LRRC7: variants seen among roughly 807,000 people sequenced by gnomAD.
LRRC7 encodes leucine rich repeat containing 7, also known as leucine-rich repeat-containing protein 7.
Under a neutral mutation model 175.7 loss-of-function variants are expected in LRRC7, and 23 were observed. The ratio of observed to expected loss-of-function variants is 0.13; its 90% confidence interval spans 0.09 to 0.19. LRRC7 has a LOEUF of 0.19. LRRC7 is among the 10% of genes least tolerant of loss of function. LRRC7 has a pLI of 1.00. For synonymous variants in LRRC7, 685 were observed against 680.9 expected (o/e 1.01, Z -0.09); for missense variants, 1,354 against 1,904.7 (o/e 0.71, Z 5.38).
intron 22 of LRRC7, 100 bp downstream of exon 22, chr1:70,044,194 T>C: frequency 1.6e-6 from 2 of 1,276,808 alleles, no homozygotes; most frequent in Non-Finnish European, 2.2e-6. Context: ...CTGCTTACTA[T>C]AGGCTCCTAT....
chr1:69,717,845 GAAAGAAAGGAAAGAAA>G lies in LRRC7; in HGVS notation c.100+39368_100+39383del, dbSNP rs1557641470. ...AAGAAAGAAAGAAAGAAAGAAAAAAGAAAGAAAGGAAAGAAAGAAAGAAAGAAAGAAAGAGAGAAAA... is the reference window on the plus strand; with the variant it reads ...AAGAAAGAAAGAAAGAAAGAAAAAAGGAAAGAAAGAAAGAAAGAGAGAAAA... On this transcript the variant is annotated intron_variant, in intron 2 of 26. Transcript: ENST00000651989. 1.6e-4 allele frequency among the ~76,000 whole-genome samples: 4 copies of G among 24,992 alleles called. 1 individual carries two copies. The highest frequency in any genetic ancestry group is 9.6e-4 in the African/African-American group (4 of 4,186). The allele number at this position is 24,992 out of a possible 152,430, so 16.4% of individuals were successfully genotyped here. A position where few individuals can be genotyped will look rare whatever the true frequency, so the allele number is the denominator to read the frequency against.
chr1:69,683,352 G>T (rs1660734666), intron 2 of LRRC7, among the ~76,000 whole-genome samples: 1 of 152,064 alleles, frequency 6.6e-6, no homozygotes, highest in Non-Finnish European at 1.5e-5. Context: ...TGGCTTTCCT[G>T]CATACTGTTA....
At chr1:69,637,306 T>C (rs1653543665) in intron 1 of LRRC7, among the ~76,000 whole-genome samples, 1 of 151,984 alleles carries the variant, frequency 6.6e-6, no homozygotes, top group Admixed American at 6.6e-5. Context: ...TCTCACACTG[T>C]TTTTATATTT....
At chr1:69,620,291 C>G (rs748822153) in intron 1 of LRRC7, among the ~76,000 whole-genome samples, 3 of 151,710 alleles carry the variant, frequency 2.0e-5, no homozygotes, top group Non-Finnish European at 2.9e-5. Flanking sequence ...CTTTTACACT[C>G]TAATACAGTA....
chr1:69,760,131 A>C, intron 2 of LRRC7, 60 bp from the exon 3 acceptor site: 1 of 1,546,240 alleles, frequency 6.5e-7, no homozygotes, highest in Non-Finnish European at 8.8e-7. Context: ...TATTACAAGA[A>C]TGCCTTCCAA....
At chr1:69,569,675 C>G (rs1255397245) in intron 1 of LRRC7, among the ~76,000 whole-genome samples, 1 of 152,012 alleles carries the variant, frequency 6.6e-6, no homozygotes, top group African/African-American at 2.4e-5. Flanking sequence ...CTTCCTTACA[C>G]TACTTCTCGG....
Position 69,678,378 on chromosome 1 carries a change from T to C in LRRC7, c.3-3T>C. 6.4e-7 allele frequency: 1 copy of C among 1,574,690 alleles called. No homozygotes were observed. Among genetic ancestry groups the C allele is most frequent in the Non-Finnish European group, 8.7e-7 (1 of 1,154,802 alleles). On this transcript the variant is annotated splice_polypyrimidine_tract_variant and splice_region_variant and intron_variant, in intron 1 of 26. Transcript: ENST00000651989. The stretch of plus-strand genomic sequence containing the variant: ...AAAATACTCTTCTGATTCTCTCTTA[T>C]AGGATGGAGAACCTAATAAGGGGAA...
At chr1:70,084,881 A>T (rs1047328828) in intron 24 of LRRC7, among the ~76,000 whole-genome samples, 1 of 152,036 alleles carries the variant, frequency 6.6e-6, no homozygotes, top group African/African-American at 2.4e-5. Flanking sequence ...TTTGATTTAC[A>T]TTTCTCTAAT....
chr1:69,794,827 G>A (rs1675527174), intron 4 of LRRC7, among the ~76,000 whole-genome samples: 1 of 152,094 alleles, frequency 6.6e-6, no homozygotes, highest in Non-Finnish European at 1.5e-5. Context: ...GTGAACCACA[G>A]GTTATATTTT....
chr1:69,745,232 A>AT (rs1669128351), intron 2 of LRRC7, among the ~76,000 whole-genome samples: 1 of 152,006 alleles, frequency 6.6e-6, no homozygotes, highest in South Asian at 2.1e-4. Context: ...TCAACAAACT[A>AT]ATATTATAAG....
At position 70,121,824 on chromosome 1, in the gene LRRC7, A is replaced by G. The variant is rs1377863044; in HGVS notation, c.4665A>G (p.Val1555=). 2 of 1,612,808 alleles carry G rather than the reference A, an allele frequency of 1.2e-6. No individual in the cohort carries two copies. Among genetic ancestry groups the G allele is most frequent in the Middle Eastern group, 1.7e-4 (1 of 6,054 alleles). Residue 1555 remains valine, a synonymous_variant, in exon 27 of 27, where the codon GTA becomes GTG. Coordinates refer to ENST00000651989, the MANE Select transcript of LRRC7 (RefSeq NM_001370785.2). The part of the protein sequence containing the change: ...SFVHMEHEKA[V]LLLKSFQNTV... ...TACATATGGAACATGAAAAAGCTGT[A>G]TTACTACTGAAGAGTTTCCAGAACA...
Position 70,125,472 on chromosome 1 carries a change from G to A in LRRC7, c.*3585G>A, listed in dbSNP as rs1571390053. ...TAATGTAATTACTTATTTAAAAATAGGACTGACATATCTTTCAACTGGTGA... is the reference window on the plus strand; with the variant it reads ...TAATGTAATTACTTATTTAAAAATAAGACTGACATATCTTTCAACTGGTGA... On this transcript the variant is annotated 3_prime_UTR_variant, in exon 27 of 27. Transcript: ENST00000651989. Among the ~76,000 whole-genome samples, 1 of 152,282 alleles carries A rather than the reference G, an allele frequency of 6.6e-6. No homozygotes were observed. The highest frequency in any genetic ancestry group is 1.9e-4 in the East Asian group (1 of 5,184).
chr1:70,094,834 C>G (rs1185291325), intron 25 of LRRC7, among the ~76,000 whole-genome samples: 7 of 152,102 alleles, frequency 4.6e-5, no homozygotes, highest in Admixed American at 4.6e-4. Flanking sequence ...TTGGGTGATC[C>G]ATAAACAAAA....
intron 7 of LRRC7, among the ~76,000 whole-genome samples, chr1:69,908,988 C>A (rs1306467858): frequency 6.6e-6 from 1 of 152,008 alleles, no homozygotes; most frequent in Admixed American, 6.5e-5. Flanking sequence ...GGATAGTTAG[C>A]TCTTCTTGTT....
intron 1 of LRRC7, among the ~76,000 whole-genome samples, chr1:69,648,290 G>T (rs893772078): frequency 1.3e-5 from 2 of 151,868 alleles, no homozygotes; most frequent in African/African-American, 4.8e-5. Context: ...AATAATACTC[G>T]AGGTGTTATG....
intron 2 of LRRC7, among the ~76,000 whole-genome samples, chr1:69,694,503 A>C (rs770072646): frequency 6.6e-5 from 10 of 152,052 alleles, no homozygotes; most frequent in Non-Finnish European, 1.3e-4. Flanking sequence ...TCTGTTAGAT[A>C]TCTTTAGGCT....
intron 1 of LRRC7, among the ~76,000 whole-genome samples, chr1:69,658,622 C>A (rs1656995078): frequency 6.6e-6 from 1 of 151,434 alleles, no homozygotes; most frequent in Non-Finnish European, 1.5e-5. Context: ...TAATGAGGAC[C>A]TAAAAAAAAT....
chr1:69,913,981 C>A (rs1646610836), intron 7 of LRRC7, among the ~76,000 whole-genome samples: 1 of 152,116 alleles, frequency 6.6e-6, no homozygotes, highest in Non-Finnish European at 1.5e-5. Context: ...AGGTCTAAAT[C>A]ATAAAATCCA....
intron 2 of LRRC7, among the ~76,000 whole-genome samples, chr1:69,708,914 TA>T (rs1664399875): frequency 6.6e-6 from 1 of 152,178 alleles, no homozygotes; most frequent in African/African-American, 2.4e-5. Flanking sequence ...TTTTATTGAC[TA>T]AAGCAAGTCA....
Sources: allele counts gnomAD v4.1 joint callset (sites outside exome capture counted in the v4.1 genomes callset), GRCh38; gene constraint gnomAD v4.1.1; transcripts MANE v1.5; gene names NCBI Gene and HGNC (gene_info 2026-07-23, HGNC 2026-07-21).